Variants in PTK7 observed in about 807,000 individuals in gnomAD.
PTK7 encodes the protein inactive tyrosine-protein kinase 7.
PTK7 carries 39 observed loss-of-function variants against 116.6 expected under a neutral mutation model. That is an observed-to-expected ratio of 0.33 (90% CI 0.26 to 0.44). The LOEUF is 0.44. PTK7 is among the 20% of genes least tolerant of loss of function. The probability of loss-of-function intolerance (pLI) is 1.00; values close to 1 mark genes in which losing one functional copy is unlikely to be tolerated. For synonymous variants in PTK7, 546 were observed against 563.6 expected, an observed-to-expected ratio of 0.97 and a Z score of 0.44; for missense variants, 1,169 against 1,425.6, an observed-to-expected ratio of 0.82 and a Z score of 2.90.
Position 43,132,114 on chromosome 6 carries a change from AG to A in PTK7, c.915del (p.Gln306ArgfsTer14). ...GCAGGGATCTACCGCTGCATTGGCC[AG>A]GGGCAGAGGGGCCCACCCATCATCC... ...RNAGIYRCIGQGQRGPPIILE... is the reference protein window; with the variant it reads ...RNAGIYRCIGXGQRGPPIILE... On this transcript the variant is annotated frameshift_variant, in exon 6 of 20. Coordinates refer to ENST00000230419, the MANE Select transcript of PTK7 (RefSeq NM_002821.5). LOFTEE classifies it high-confidence loss of function. 6.2e-7 allele frequency: 1 copy of A among 1,613,812 alleles called. No homozygotes were observed. The highest frequency in any genetic ancestry group is 8.5e-7 in the Non-Finnish European group (1 of 1,179,842).
chr6:43,083,238 C>T (rs1457097823), intron 1 of PTK7, among the ~76,000 whole-genome samples: 1 of 152,240 alleles, frequency 6.6e-6, no homozygotes, highest in East Asian at 1.9e-4. Flanking sequence ...TGCTGCTGTG[C>T]CTGGGCACTA....
chr6:43,090,461 G>A (rs1332073334), intron 1 of PTK7, among the ~76,000 whole-genome samples: 2 of 152,166 alleles, frequency 1.3e-5, no homozygotes. Flanking sequence ...CAGTAAACTG[G>A]GGCTGTTTAA....
At chr6:43,116,955 C>T (rs1010255504) in intron 1 of PTK7, among the ~76,000 whole-genome samples, 1 of 152,020 alleles carries the variant, frequency 6.6e-6, no homozygotes, top group Non-Finnish European at 1.5e-5. Context: ...TCCCGAGTAG[C>T]TGGGATTATA....
intron 1 of PTK7, among the ~76,000 whole-genome samples, chr6:43,080,377 T>A (rs1766311688): frequency 1.3e-5 from 2 of 152,160 alleles, no homozygotes; most frequent in Admixed American, 1.3e-4. Flanking sequence ...ATCTGTAAAT[T>A]ACTTGTAATA....
At chr6:43,127,997 G>C (rs1769401961) in intron 1 of PTK7, among the ~76,000 whole-genome samples, 2 of 152,220 alleles carry the variant, frequency 1.3e-5, no homozygotes, top group African/African-American at 4.8e-5. Context: ...GGTTTCTAGA[G>C]AATCTTGGCT....
intron 7 of PTK7, among the ~76,000 whole-genome samples, chr6:43,134,821 A>T (rs867654609): frequency 2.0e-5 from 3 of 151,584 alleles, no homozygotes; most frequent in African/African-American, 7.3e-5. Context: ...ATGGTGATGC[A>T]CACCTATAAT....
intron 17 of PTK7, among the ~76,000 whole-genome samples, chr6:43,146,923 T>C (rs932459755): frequency 1.1e-4 from 17 of 152,218 alleles, no homozygotes; most frequent in Admixed American, 2.6e-4. Flanking sequence ...TCCCAGGTCA[T>C]GTAGCCTGGA....
chr6:43,132,708 G>T, intron 7 of PTK7, 21 bp downstream of exon 7: 5 of 1,553,928 alleles, frequency 3.2e-6, no homozygotes, highest in Non-Finnish European at 3.5e-6. Flanking sequence ...TTGCCCTGAA[G>T]GTCAAGGAGA....
rs777499261 is a variant in PTK7 at position 43,141,703 on chromosome 6, G to A, written c.1654G>A (p.Ala552Thr). Residue 552 changes from alanine (A) to threonine (T), a missense_variant, in exon 11 of 20, where the codon GCT becomes ACT. Physicochemically the swap from Ala to Thr is moderately conservative, Grantham distance 58 (BLOSUM62 0). Coordinates refer to ENST00000230419, the MANE Select transcript of PTK7 (RefSeq NM_002821.5). The surrounding 1 kb of genome is among the most constrained non-coding windows in gnomAD (Gnocchi z 4.9). ...SSLPEWVTDN[A>T]GTLHFARVTR... The stretch of plus-strand genomic sequence containing the variant: ...CCTCCCAGAGTGGGTGACAGACAAC[G>A]CTGGGACCCTGCATTTTGCCCGGGT... 1.5e-5 allele frequency: 25 copies of A among 1,614,004 alleles called. No homozygotes were observed. The highest frequency in any genetic ancestry group is 8.3e-5 in the Admixed American group (5 of 59,980).
chr6:43,160,601 G>T, intron 19 of PTK7, 120 bp from the exon 20 acceptor site: 1 of 1,309,672 alleles, frequency 7.6e-7, no homozygotes, highest in Non-Finnish European at 1.1e-6. Context: ...ACCTGCCGCT[G>T]GCCAGCATTG....
At position 43,076,832 on chromosome 6, in the gene PTK7, G is replaced by C; in HGVS notation, c.79+265G>C. On this transcript the variant is annotated intron_variant, in intron 1 of 19. Transcript: ENST00000230419. The surrounding 1 kb of genome is among the most constrained non-coding windows in gnomAD (Gnocchi z 5.7). ...CAGCCTCCCTGAGTTTTTCTGGTCT[G>C]AGCCGAGAGTTTGCTCGAGAACTGC... 5 of 1,433,190 alleles carry C rather than the reference G, an allele frequency of 3.5e-6. No homozygotes were observed. The highest frequency in any genetic ancestry group is 4.6e-6 in the Non-Finnish European group (5 of 1,089,048). 88.8% of individuals were successfully genotyped at this position (1,433,190 alleles called of 1,614,324 possible). A position where few individuals can be genotyped will look rare whatever the true frequency, so the allele number is the denominator to read the frequency against.
At chr6:43,123,322 T>C (rs944525032) in intron 1 of PTK7, among the ~76,000 whole-genome samples, 24 of 152,244 alleles carry the variant, frequency 1.6e-4, no homozygotes, top group South Asian at 6.2e-4. Context: ...TGTGGCAGAT[T>C]CTGAGGCCTA....
intron 1 of PTK7, chr6:43,077,056 C>T (rs1766074441): frequency 7.7e-7 from 1 of 1,304,186 alleles, no homozygotes; most frequent in African/African-American, 1.5e-5. Flanking sequence ...GCTTTGTTAC[C>T]TACGCCGACC....
At chr6:43,084,915 A>G (rs1766572936) in intron 1 of PTK7, among the ~76,000 whole-genome samples, 1 of 152,194 alleles carries the variant, frequency 6.6e-6, no homozygotes. Context: ...TCATCGGACC[A>G]GGATTCTGAA....
chr6:43,081,708 A>G (rs1252089662), intron 1 of PTK7, among the ~76,000 whole-genome samples: 1 of 152,042 alleles, frequency 6.6e-6, no homozygotes, highest in Non-Finnish European at 1.5e-5. Flanking sequence ...CCCAGCCGAT[A>G]TAACAGGTCC....
chr6:43,138,648 T>G, intron 7 of PTK7: 1 of 565,986 alleles, frequency 1.8e-6, no homozygotes, highest in Non-Finnish European at 3.0e-6. Context: ...GGTGACAGAG[T>G]GAGAACCTGT....
intron 7 of PTK7, chr6:43,133,632 T>G (rs907733938): frequency 6.6e-6 from 1 of 152,244 alleles, no homozygotes; most frequent in African/African-American, 2.4e-5. Context: ...ATTTGTTTAC[T>G]TATTTCTTTA....
chr6:43,131,029 T>TCTCACACACA (rs749691922), intron 5 of PTK7, among the ~76,000 whole-genome samples: 1 of 133,756 alleles, frequency 7.5e-6, no homozygotes, highest in African/African-American at 2.8e-5. Context: ...GGCAAAGACA[T>TCTCACACACA]CACACACACA....
At chr6:43,102,977 T>G (rs1312998378) in intron 1 of PTK7, among the ~76,000 whole-genome samples, 4 of 152,180 alleles carry the variant, frequency 2.6e-5, no homozygotes, top group Admixed American at 2.0e-4. Flanking sequence ...AAGTTCATGT[T>G]TTTTGCAGAG....
Sources: gnomAD v4.1 joint callset for allele counts (sites outside exome capture counted in the v4.1 genomes callset) on GRCh38, gnomAD v4.1.1 for gene constraint, Gnocchi (gnomAD v3.1) non-coding constraint, MANE v1.5 for transcripts, NCBI Gene and HGNC (gene_info 2026-07-23, HGNC 2026-07-21) for gene names.